The following PRKN variants were observed in gnomAD, a reference collection of about 807,000 sequenced individuals.
PRKN encodes parkin RBR E3 ubiquitin protein ligase, also known as E3 ubiquitin-protein ligase parkin.
PRKN carries 56 observed loss-of-function variants against 59.5 expected under a neutral mutation model. The observed-to-expected ratio is 0.94, with a 90% confidence interval of 0.76 to 1.18. The LOEUF (loss-of-function observed/expected upper bound fraction) is 1.18. PRKN is among the 50% of genes most tolerant of loss of function. PRKN has a pLI of 0.00. For missense variants in PRKN, 657 were observed against 596.4 expected, an observed-to-expected ratio of 1.10 and a Z score of -1.06; for synonymous variants, 250 against 222.1, an observed-to-expected ratio of 1.13 and a Z score of -1.12.
At chr6:162,440,716 AT>A (rs1445724090) in intron 2 of PRKN, among the ~76,000 whole-genome samples, 1 of 152,248 alleles carries the variant, frequency 6.6e-6, no homozygotes, top group East Asian at 1.9e-4. Context: ...TATATTTAAC[AT>A]TCATTAATGG....
intron 2 of PRKN, among the ~76,000 whole-genome samples, chr6:162,273,647 T>G (rs920582707): frequency 3.3e-5 from 5 of 152,154 alleles, no homozygotes; most frequent in African/African-American, 1.2e-4. Context: ...CTGAAGAAGG[T>G]GAGAAGGAGC....
intron 6 of PRKN, among the ~76,000 whole-genome samples, chr6:161,969,428 G>C (rs1780716246): frequency 1.3e-5 from 2 of 152,112 alleles, no homozygotes; most frequent in Non-Finnish European, 2.9e-5. Context: ...ATGCTGTTTG[G>C]GGTGGGGAGG....
At chr6:161,682,556 G>A (rs1024057681) in intron 7 of PRKN, among the ~76,000 whole-genome samples, 1 of 152,086 alleles carries the variant, frequency 6.6e-6, no homozygotes, top group Admixed American at 6.5e-5. Context: ...GGGCTGCGGG[G>A]AGCAGGCTCT....
Position 162,050,828 on chromosome 6 carries a change from C to T in PRKN, c.618+3263G>A, listed in dbSNP as rs565683151. Reference sequence around the variant, plus strand: ...GACTTGAGGCCACTCCCACCTCCCCCCAATCACCGTGGCCACACAGCTGGA... The same window carrying T: ...GACTTGAGGCCACTCCCACCTCCCCTCAATCACCGTGGCCACACAGCTGGA... On this transcript the variant is annotated intron_variant, in intron 5 of 11. Transcript: ENST00000366898. Among the ~76,000 whole-genome samples the T allele has an allele frequency of 3.3e-5, 5 of 152,238 alleles. No homozygotes were observed. In the South Asian group the frequency reaches 1.0e-3, roughly 32 times the overall value.
intron 1 of PRKN, among the ~76,000 whole-genome samples, chr6:162,635,729 G>C (rs997576246): frequency 6.6e-6 from 1 of 151,934 alleles, no homozygotes; most frequent in Non-Finnish European, 1.5e-5. Flanking sequence ...ACAGTTCCAA[G>C]GAAAACAATT....
chr6:161,746,598 T>C (rs1244496188), intron 7 of PRKN, among the ~76,000 whole-genome samples: 1 of 145,154 alleles, frequency 6.9e-6, no homozygotes, highest in Non-Finnish European at 1.5e-5. Flanking sequence ...CACACACACA[T>C]TATACACACA....
At chr6:162,616,747 T>C (rs747368875) in intron 1 of PRKN, among the ~76,000 whole-genome samples, 3 of 152,184 alleles carry the variant, frequency 2.0e-5, no homozygotes, top group African/African-American at 4.8e-5. Flanking sequence ...ACTATTCTGA[T>C]ACATCTTGAC....
chr6:161,977,541 G>GTTTTTTTTTTTTTTTT (rs1562433349), intron 5 of PRKN, among the ~76,000 whole-genome samples: 1 of 98,714 alleles, frequency 1.0e-5, no homozygotes. Context: ...CTGTTTTTTT[G>GTTTTTTTTTTTTTTTT]GTTTTTTTTT....
chr6:161,820,124 T>A (rs563060070), intron 6 of PRKN, among the ~76,000 whole-genome samples: 1 of 152,138 alleles, frequency 6.6e-6, no homozygotes, highest in East Asian at 1.9e-4. Context: ...TTAATAGTAA[T>A]TTAAACTTTT....
At chr6:161,514,191 G>A (rs1022779797) in intron 9 of PRKN, among the ~76,000 whole-genome samples, 3 of 151,766 alleles carry the variant, frequency 2.0e-5, no homozygotes, top group African/African-American at 7.3e-5. Flanking sequence ...TAGAGAGAGT[G>A]GAAAAAAACA....
chr6:162,146,242 T>G (rs1435087251), intron 4 of PRKN, among the ~76,000 whole-genome samples: 1 of 152,132 alleles, frequency 6.6e-6, no homozygotes, highest in Non-Finnish European at 1.5e-5. Flanking sequence ...GTCTGGCCCA[T>G]GACGATGTCA....
chr6:162,510,946 A>T (rs1345710907), intron 1 of PRKN, among the ~76,000 whole-genome samples: 1 of 132,242 alleles, frequency 7.6e-6, no homozygotes, highest in Non-Finnish European at 1.7e-5. Flanking sequence ...CAAATAAAAA[A>T]ACAAAACATA....
chr6:161,813,349 T>C (rs1207729738), intron 6 of PRKN, among the ~76,000 whole-genome samples: 1 of 152,130 alleles, frequency 6.6e-6, no homozygotes, highest in Non-Finnish European at 1.5e-5. Flanking sequence ...GTCCCCAGCC[T>C]CACCGGGCTG....
intron 6 of PRKN, among the ~76,000 whole-genome samples, chr6:161,817,165 G>C (rs1791820084): frequency 1.3e-5 from 2 of 152,100 alleles, no homozygotes; most frequent in Non-Finnish European, 2.9e-5. Flanking sequence ...AACTCCTGGA[G>C]CCCCCATCAC....
At chr6:161,835,988 AATGACTCTC>A (rs1792736471) in intron 6 of PRKN, among the ~76,000 whole-genome samples, 1 of 152,222 alleles carries the variant, frequency 6.6e-6, no homozygotes, top group Non-Finnish European at 1.5e-5. Flanking sequence ...CTTGCCAGCA[AATGACTCTC>A]AGTATATTCA....
chr6:162,369,457 AAT>A (rs1785629381), intron 2 of PRKN, among the ~76,000 whole-genome samples: 1 of 152,188 alleles, frequency 6.6e-6, no homozygotes, highest in Admixed American at 6.5e-5. Flanking sequence ...TATACTACCC[AAT>A]GTCTTTTAAA....
chr6:161,611,267 T>C (rs1460603644), intron 7 of PRKN, among the ~76,000 whole-genome samples: 2 of 152,232 alleles, frequency 1.3e-5, no homozygotes, highest in African/African-American at 4.8e-5. Flanking sequence ...ACCCAAAATC[T>C]GTGGGTCTAG....
In PRKN at chr6:162,322,876, G is replaced by A. The variant is rs1583377782; in HGVS notation, c.172-60111C>T. ...GAAAATGTGACACATATATACCATG[G>A]AATACTATGCAGCCATAAAAAATGA... is the stretch of plus-strand genomic sequence containing the variant. On this transcript the variant is annotated intron_variant, in intron 2 of 11. Transcript: ENST00000366898. 2.6e-5 allele frequency among the ~76,000 whole-genome samples: 4 copies of A among 151,970 alleles called. No individual in the cohort carries two copies. The South Asian group carries it at 8.3e-4, about 32-fold the overall frequency.
intron 1 of PRKN, among the ~76,000 whole-genome samples, chr6:162,575,228 T>C (rs1475185813): frequency 6.6e-6 from 1 of 152,186 alleles, no homozygotes; most frequent in African/African-American, 2.4e-5. Flanking sequence ...GAGAAAGCGA[T>C]GTCTTCTGGT....
Sources: allele counts gnomAD v4.1 joint callset (sites outside exome capture counted in the v4.1 genomes callset), GRCh38; gene constraint gnomAD v4.1.1; transcripts MANE v1.5; gene names NCBI Gene and HGNC (gene_info 2026-07-23, HGNC 2026-07-21).